CNTN6: variants seen among roughly 807,000 people sequenced by gnomAD.
The protein encoded by CNTN6 is contactin 6.
In CNTN6, 137 loss-of-function variants were observed where a neutral mutation model predicts 122.8. That is an observed-to-expected ratio of 1.12 (90% confidence interval 0.97 to 1.29). The LOEUF (loss-of-function observed/expected upper bound fraction) is 1.29. CNTN6 is among the 50% of genes most tolerant of loss of function. The pLI is 0.00. For missense variants in CNTN6, 1,634 were observed against 1,223.4 expected (o/e 1.34, Z -5.01); for synonymous variants, 570 against 426.0 (o/e 1.34, Z -4.16).
intron 1 of CNTN6, among the ~76,000 whole-genome samples, chr3:1,119,388 G>A (rs1037964744): frequency 3.8e-5 from 5 of 132,842 alleles, no homozygotes; most frequent in South Asian, 4.9e-4. Context: ...AACTCTTCGA[G>A]CTTTGACATC....
chr3:1,298,152 T>TC, intron 7 of CNTN6, 161 bp downstream of exon 7: 1 of 580,526 alleles, frequency 1.7e-6, no homozygotes, highest in Non-Finnish European at 3.0e-6. Flanking sequence ...CAAACATGTC[T>TC]AATACTGAGA....
At position 1,158,039 on chromosome 3, in the gene CNTN6, G is replaced by A. The variant is rs187694769; in HGVS notation, c.55+9976G>A. ...CAGTGGGATTGCTGGATCATATGGG[G>A]GCCCTAGTTTTAGTCTTAGTTACTG... On this transcript the variant is annotated intron_variant, in intron 2 of 22. Transcript: ENST00000446702. Among the ~76,000 whole-genome samples, 141 of 152,182 alleles carry A rather than the reference G, an allele frequency of 9.3e-4. 1 individual carries two copies. The highest frequency in any genetic ancestry group is 1.5e-3 in the Non-Finnish European group (99 of 67,990).
At chr3:1,370,562 T>C (rs1257441522) in intron 12 of CNTN6, among the ~76,000 whole-genome samples, 2 of 152,128 alleles carry the variant, frequency 1.3e-5, no homozygotes, top group African/African-American at 4.8e-5. Context: ...ATAAAGTGCA[T>C]GCATCTGGTT....
chr3:1,168,064 C>T (rs200985137), intron 2 of CNTN6, among the ~76,000 whole-genome samples: 10 of 152,098 alleles, frequency 6.6e-5, no homozygotes, highest in Admixed American at 2.6e-4. Context: ...CACGCCACCA[C>T]GCCTGGGTAG....
At chr3:1,244,643 A>G (rs1307454654) in intron 4 of CNTN6, among the ~76,000 whole-genome samples, 1 of 152,196 alleles carries the variant, frequency 6.6e-6, no homozygotes, top group Non-Finnish European at 1.5e-5. Flanking sequence ...CTGTGTGAAG[A>G]GACCGCCAAA....
chr3:1,228,430 G>T (rs180990002), intron 4 of CNTN6, among the ~76,000 whole-genome samples: 107 of 152,236 alleles, frequency 7.0e-4, no homozygotes, highest in African/African-American at 2.4e-3. Context: ...GTTTGATGTA[G>T]GTGGAAATAA....
chr3:1,133,267 C>G (rs1477409940), intron 1 of CNTN6, among the ~76,000 whole-genome samples: 1 of 152,136 alleles, frequency 6.6e-6, no homozygotes, highest in Non-Finnish European at 1.5e-5. Flanking sequence ...GATGGACCAA[C>G]ATAAACAAAG....
At chr3:1,134,875 A>G (rs1215116490) in intron 1 of CNTN6, among the ~76,000 whole-genome samples, 1 of 152,150 alleles carries the variant, frequency 6.6e-6, no homozygotes, top group Non-Finnish European at 1.5e-5. Context: ...GAAGCACACA[A>G]GCAGTGTGGA....
At chr3:1,173,251 G>T (rs1206647571) in intron 2 of CNTN6, 1 of 456,560 alleles carries the variant, frequency 2.2e-6, no homozygotes, top group African/African-American at 2.0e-5. Flanking sequence ...CTTCGTCTCT[G>T]GCTTCTTCAT....
At chr3:1,215,069 A>C (rs943895336) in intron 2 of CNTN6, among the ~76,000 whole-genome samples, 11 of 152,162 alleles carry the variant, frequency 7.2e-5, no homozygotes, top group Non-Finnish European at 1.5e-4. Flanking sequence ...TTTCACTTTT[A>C]CTTAGCTTGC....
At chr3:1,310,107 T>G in intron 7 of CNTN6, among the ~76,000 whole-genome samples, 1 of 151,938 alleles carries the variant, frequency 6.6e-6, no homozygotes, top group Middle Eastern at 3.2e-3. Context: ...TATACATTTT[T>G]TTTGCCTTTT....
At chr3:1,138,070 A>G (rs926641642) in intron 1 of CNTN6, among the ~76,000 whole-genome samples, 1 of 152,214 alleles carries the variant, frequency 6.6e-6, no homozygotes, top group African/African-American at 2.4e-5. Flanking sequence ...ACTGACCCTC[A>G]TAAGTCATGG....
At chr3:1,325,753 G>A (rs1184614973) in intron 8 of CNTN6, 62 bp from the exon 9 acceptor site, 8 of 1,564,266 alleles carry the variant, frequency 5.1e-6, no homozygotes, top group Admixed American at 1.8e-5. Context: ...CCCTTGTAAT[G>A]TAGCATAATG....
chr3:1,354,174 C>T (rs1471270350), intron 12 of CNTN6, among the ~76,000 whole-genome samples: 1 of 151,450 alleles, frequency 6.6e-6, no homozygotes, highest in African/African-American at 2.4e-5. Context: ...AGCCACTGGA[C>T]TGCATTCTGG....
chr3:1,216,973 G>A (rs1375554657), intron 2 of CNTN6, among the ~76,000 whole-genome samples: 1 of 152,094 alleles, frequency 6.6e-6, no homozygotes, highest in African/African-American at 2.4e-5. Context: ...AATGATGGAT[G>A]ATGATGATGA....
At chr3:1,402,211 A>G (rs1479732177) in intron 21 of CNTN6, 107 bp from the exon 22 acceptor site, 2 of 770,924 alleles carry the variant, frequency 2.6e-6, no homozygotes, top group African/African-American at 1.8e-5. Context: ...TCTGAGGAGT[A>G]CAACATTTAT....
chr3:1,276,291 CA>C (rs1692346330), intron 4 of CNTN6, among the ~76,000 whole-genome samples: 1 of 152,016 alleles, frequency 6.6e-6, no homozygotes, highest in South Asian at 2.1e-4. Flanking sequence ...AATGGTGTAT[CA>C]ATATTTAGTG....
chr3:1,270,688 C>T (rs191510406), intron 4 of CNTN6, among the ~76,000 whole-genome samples: 66 of 152,188 alleles, frequency 4.3e-4, no homozygotes, highest in Non-Finnish European at 7.8e-4. Flanking sequence ...ATTTGGTTGA[C>T]GGAAACCAGA....
chr3:1,268,297 A>C (rs2094958550), intron 4 of CNTN6, among the ~76,000 whole-genome samples: 1 of 152,136 alleles, frequency 6.6e-6, no homozygotes, highest in Non-Finnish European at 1.5e-5. Flanking sequence ...CAAGTTGGAG[A>C]AACATTCTCT....
Sources: allele counts gnomAD v4.1 joint callset (sites outside exome capture counted in the v4.1 genomes callset), GRCh38; gene constraint gnomAD v4.1.1; transcripts MANE v1.5; gene names NCBI Gene and HGNC (gene_info 2026-07-23, HGNC 2026-07-21).